Variants in SPMIP2 observed in about 807,000 individuals in gnomAD.
SPMIP2 encodes sperm microtubule inner protein 2.
At chr4:158,933,629 A>G in the SPMIP2 span, among the ~76,000 whole-genome samples, 1 of 152,174 alleles carries the variant, frequency 6.6e-6, no homozygotes, top group Admixed American at 6.5e-5. Context: ...AGCATCTGTG[A>G]TTGTTGACAT....
At chr4:159,078,804 C>A in the SPMIP2 span, among the ~76,000 whole-genome samples, 1 of 152,180 alleles carries the variant, frequency 6.6e-6, no homozygotes, top group East Asian at 1.9e-4. Flanking sequence ...ATCCAGTGGA[C>A]AAACTAATTT....
the SPMIP2 span, among the ~76,000 whole-genome samples, chr4:159,073,507 T>C: frequency 6.6e-4 from 101 of 152,228 alleles, 2 homozygotes; most frequent in East Asian, 0.011. Flanking sequence ...AGGCTCTCTT[T>C]GACCAAAAAA....
the SPMIP2 span, among the ~76,000 whole-genome samples, chr4:158,997,686 T>C: frequency 3.3e-5 from 5 of 152,104 alleles, no homozygotes; most frequent in East Asian, 9.7e-4. Flanking sequence ...AGGGTCTCAC[T>C]CTGTTGCCCT....
At chr4:158,904,211 C>T in the SPMIP2 span, among the ~76,000 whole-genome samples, 11 of 152,258 alleles carry the variant, frequency 7.2e-5, no homozygotes, top group East Asian at 2.1e-3. Context: ...GGAAAAAGAG[C>T]TTTATGTCCA....
At chr4:159,008,541 C>A in the SPMIP2 span, among the ~76,000 whole-genome samples, 1 of 151,246 alleles carries the variant, frequency 6.6e-6, no homozygotes, top group Non-Finnish European at 1.5e-5. Flanking sequence ...TGCACTCCAG[C>A]CTGGGCAACA....
chr4:158,994,752 G>T, the SPMIP2 span, among the ~76,000 whole-genome samples: 6,436 of 152,162 alleles, frequency 0.042, 189 homozygotes, highest in Admixed American at 0.06. Context: ...GGTGGGATTC[G>T]AACCTATGAA....
At chr4:158,940,311 C>CTA in the SPMIP2 span, among the ~76,000 whole-genome samples, 1 of 152,306 alleles carries the variant, frequency 6.6e-6, no homozygotes, top group South Asian at 2.1e-4. Flanking sequence ...TTTAAAGGCC[C>CTA]TATCTCCATA....
At chr4:159,041,569 C>T in the SPMIP2 span, among the ~76,000 whole-genome samples, 2 of 152,246 alleles carry the variant, frequency 1.3e-5, no homozygotes, top group Middle Eastern at 3.4e-3. Flanking sequence ...ATAGAACCAC[C>T]ACCACAACCA....
the SPMIP2 span, among the ~76,000 whole-genome samples, chr4:159,048,833 T>G: frequency 6.6e-6 from 1 of 151,104 alleles, no homozygotes; most frequent in South Asian, 2.1e-4. Context: ...CCTCCAGACT[T>G]AGCTGGCATT....
the SPMIP2 span, among the ~76,000 whole-genome samples, chr4:159,059,117 A>G: frequency 1.3e-5 from 2 of 152,228 alleles, no homozygotes; most frequent in Non-Finnish European, 2.9e-5. Flanking sequence ...AAATGAACAA[A>G]AACAGAAAAG....
At chr4:158,983,293 T>C in the SPMIP2 span, among the ~76,000 whole-genome samples, 1 of 151,512 alleles carries the variant, frequency 6.6e-6, no homozygotes, top group Non-Finnish European at 1.5e-5. Context: ...AACATTCAGA[T>C]TCAGGAAATA....
At chr4:158,902,475 T>C in the SPMIP2 span, among the ~76,000 whole-genome samples, 1 of 152,198 alleles carries the variant, frequency 6.6e-6, no homozygotes. Context: ...GGGATCCACT[T>C]GAGGAGGCAG....
chr4:158,960,087 T>C, the SPMIP2 span, among the ~76,000 whole-genome samples: 1 of 152,106 alleles, frequency 6.6e-6, no homozygotes, highest in Non-Finnish European at 1.5e-5. Flanking sequence ...GCGTTATTCC[T>C]TTTCTCCCCT....
At chr4:158,940,533 G>T in the SPMIP2 span, among the ~76,000 whole-genome samples, 1 of 147,830 alleles carries the variant, frequency 6.8e-6, no homozygotes, top group Non-Finnish European at 1.5e-5. Context: ...TTCCAAAGTG[G>T]TGATGTCCTA....
chr4:159,081,036 CTCT>C, the SPMIP2 span, among the ~76,000 whole-genome samples: 11 of 128,652 alleles, frequency 8.6e-5, no homozygotes, highest in Middle Eastern at 4.5e-3. Flanking sequence ...TTGTTTCTTT[CTCT>C]TTTTTTTTTT....
At chr4:159,060,876 G>A in the SPMIP2 span, among the ~76,000 whole-genome samples, 9 of 152,170 alleles carry the variant, frequency 5.9e-5, no homozygotes, top group African/African-American at 2.2e-4. Flanking sequence ...CTTGAGCCCA[G>A]AAGTTCAAGA....
At chr4:159,002,766 GCA>G in the SPMIP2 span, among the ~76,000 whole-genome samples, 5,106 of 147,904 alleles carry the variant, frequency 0.035, 192 homozygotes, top group African/African-American at 0.096. Flanking sequence ...ACATATCACT[GCA>G]CACACACACA....
the SPMIP2 span, among the ~76,000 whole-genome samples, chr4:158,969,575 TG>T: frequency 3.3e-5 from 5 of 152,194 alleles, no homozygotes; most frequent in South Asian, 1.0e-3. Context: ...CTCCGCAACG[TG>T]GGGGAAGATT....
At chr4:158,916,899 C>T in the SPMIP2 span, among the ~76,000 whole-genome samples, 4 of 152,196 alleles carry the variant, frequency 2.6e-5, no homozygotes, top group African/African-American at 4.8e-5. Context: ...CCACCTCAGC[C>T]TCCCAAAGTG....
Sources: gnomAD v4.1 joint callset for allele counts (sites outside exome capture counted in the v4.1 genomes callset) on GRCh38, gnomAD v4.1.1 for gene constraint, MANE v1.5 for transcripts, NCBI Gene and HGNC (gene_info 2026-07-23, HGNC 2026-07-21) for gene names.